The following LRFN2 variants were observed in gnomAD, a reference collection of about 807,000 sequenced individuals.
LRFN2 encodes leucine-rich repeat and fibronectin type-III domain-containing protein 2.
LRFN2 carries 18 observed loss-of-function variants against 37.3 expected under a neutral mutation model. The observed-to-expected ratio is 0.48, with a 90% CI of 0.33 to 0.72. LRFN2 has a LOEUF of 0.72. Among genes scored for constraint, LRFN2 ranks in the 30% least tolerant of loss-of-function variants. The pLI is 0.02. For synonymous variants in LRFN2, 556 were observed against 466.6 expected, an observed-to-expected ratio of 1.19 and a Z score of -2.47; for missense variants, 1,006 against 1,060.7, an observed-to-expected ratio of 0.95 and a Z score of 0.72.
At chr6:40,583,832 C>G (rs1168167835) in intron 1 of LRFN2, among the ~76,000 whole-genome samples, 3 of 152,102 alleles carry the variant, frequency 2.0e-5, no homozygotes, top group Non-Finnish European at 4.4e-5. Flanking sequence ...CTGAGGTCAC[C>G]CTTGGGGGAG....
At chr6:40,435,808 A>AT (rs956693093) in intron 1 of LRFN2, among the ~76,000 whole-genome samples, 15 of 151,964 alleles carry the variant, frequency 9.9e-5, no homozygotes, top group Non-Finnish European at 1.8e-4. Flanking sequence ...GTAATAGCTT[A>AT]TTTTTTTTAA....
intron 1 of LRFN2, among the ~76,000 whole-genome samples, chr6:40,509,822 G>C (rs982230610): frequency 5.9e-5 from 9 of 151,594 alleles, no homozygotes; most frequent in African/African-American, 2.2e-4. Flanking sequence ...AGGGAATACT[G>C]AGCTGCGCAG....
chr6:40,576,686 G>A (rs1472155825), intron 1 of LRFN2, among the ~76,000 whole-genome samples: 1 of 152,160 alleles, frequency 6.6e-6, no homozygotes, highest in East Asian at 1.9e-4. Context: ...TGATCACAGA[G>A]CCCTAGAAGG....
At chr6:40,542,596 C>T (rs999342184) in intron 1 of LRFN2, among the ~76,000 whole-genome samples, 4 of 152,108 alleles carry the variant, frequency 2.6e-5, no homozygotes, top group African/African-American at 9.7e-5. Context: ...GGCTCTGCAC[C>T]CTGGGCCTCT....
Position 40,460,397 on chromosome 6 carries a change from A to G in LRFN2, c.-18-27266T>C, listed in dbSNP as rs193216712. Among the ~76,000 whole-genome samples, 353 of 152,100 alleles carry G rather than the reference A, an allele frequency of 2.3e-3. 4 individuals carry two copies. The highest frequency in any genetic ancestry group is 7.5e-3 in the African/African-American group (311 of 41,496). ...CATGCTCCTTTCTGATTGGTTGGTGAGGCTCTCATATAATCTTGTTCTATG... is the reference window on the plus strand; with the variant it reads ...CATGCTCCTTTCTGATTGGTTGGTGGGGCTCTCATATAATCTTGTTCTATG... On this transcript the variant is annotated intron_variant, in intron 1 of 2. Transcript: ENST00000338305.
intron 1 of LRFN2, among the ~76,000 whole-genome samples, chr6:40,542,796 C>G (rs1766580782): frequency 6.6e-6 from 1 of 152,206 alleles, no homozygotes. Flanking sequence ...AGCCCATCCC[C>G]AGAGGGCTGG....
intron 1 of LRFN2, among the ~76,000 whole-genome samples, chr6:40,462,297 T>C (rs1000186259): frequency 6.6e-6 from 1 of 152,148 alleles, no homozygotes; most frequent in Admixed American, 6.5e-5. Context: ...TAGTGGCTGG[T>C]AGGAATGTGT....
chr6:40,514,046 G>T (rs919954321), intron 1 of LRFN2, among the ~76,000 whole-genome samples: 1 of 151,958 alleles, frequency 6.6e-6, no homozygotes, highest in Non-Finnish European at 1.5e-5. Flanking sequence ...TATCCAACCG[G>T]CTGGGGAGTC....
intron 1 of LRFN2, among the ~76,000 whole-genome samples, chr6:40,524,148 C>T (rs957589536): frequency 3.9e-5 from 6 of 152,204 alleles, no homozygotes; most frequent in Non-Finnish European, 7.3e-5. Flanking sequence ...TCTTAGCACA[C>T]AGAGGGAGAG....
intron 1 of LRFN2, among the ~76,000 whole-genome samples, chr6:40,558,167 A>G (rs1442960833): frequency 6.6e-6 from 1 of 152,092 alleles, no homozygotes; most frequent in Non-Finnish European, 1.5e-5. Flanking sequence ...CCCCCAAGGA[A>G]GCTGTTCTGA....
intron 2 of LRFN2, among the ~76,000 whole-genome samples, chr6:40,428,299 C>T (rs766383922): frequency 2.6e-5 from 4 of 152,270 alleles, no homozygotes; most frequent in South Asian, 4.1e-4. Flanking sequence ...AACATTTTTT[C>T]TTCTTGGACA....
At position 40,392,607 on chromosome 6, in the gene LRFN2, GCCAT is replaced by G; in HGVS notation, c.1702_1705del (p.Met568GlnfsTer4). On this transcript the variant is annotated frameshift_variant, in exon 3 of 3. Transcript: ENST00000338305. LOFTEE classifies it high-confidence loss of function. This position sits in a 1 kb window ranked among gnomAD's most constrained non-coding sequence, Gnocchi z 4.7. ...CGAGTACACATTGCTCACGGCCGCT[GCCAT>G]CTTGCTGGGGGCCTCGTGGTTGCAG... 6.2e-7 allele frequency: 1 copy of G among 1,609,974 alleles called. No individual in the cohort carries two copies. The highest frequency in any genetic ancestry group is 1.3e-5 in the African/African-American group (1 of 75,078).
At chr6:40,502,811 C>A (rs1277358380) in intron 1 of LRFN2, among the ~76,000 whole-genome samples, 6 of 152,232 alleles carry the variant, frequency 3.9e-5, no homozygotes, top group Non-Finnish European at 8.8e-5. Flanking sequence ...CCCCATACAG[C>A]TTAGAGTCGA....
chr6:40,547,491 G>A (rs1468776265), intron 1 of LRFN2, among the ~76,000 whole-genome samples: 3 of 152,122 alleles, frequency 2.0e-5, no homozygotes, highest in African/African-American at 4.8e-5. Context: ...ACCATTTAGT[G>A]TATGCGCCCT....
chr6:40,407,744 C>T (rs932897685), intron 2 of LRFN2: 1 of 152,334 alleles, frequency 6.6e-6, no homozygotes, highest in Admixed American at 6.5e-5. Flanking sequence ...GTAAACACCA[C>T]CTAATGATGA....
intron 1 of LRFN2, among the ~76,000 whole-genome samples, chr6:40,570,287 A>G (rs556474092): frequency 1.8e-3 from 271 of 152,272 alleles, no homozygotes; most frequent in African/African-American, 6.1e-3. Context: ...ATGATAGCTA[A>G]TATTTATTGA....
At chr6:40,545,786 T>C (rs2113919057) in intron 1 of LRFN2, among the ~76,000 whole-genome samples, 1 of 152,178 alleles carries the variant, frequency 6.6e-6, no homozygotes, top group South Asian at 2.1e-4. Flanking sequence ...CTGGGTCTCA[T>C]GAGATGAAAA....
chr6:40,520,834 A>G (rs1395238898), intron 1 of LRFN2, among the ~76,000 whole-genome samples: 1 of 152,058 alleles, frequency 6.6e-6, no homozygotes, highest in African/African-American at 2.4e-5. Flanking sequence ...GTAGCTGGGG[A>G]GGCTGCCAAC....
chr6:40,419,809 A>G (rs1763179243), intron 2 of LRFN2, among the ~76,000 whole-genome samples: 2 of 152,124 alleles, frequency 1.3e-5, no homozygotes, highest in South Asian at 4.1e-4. Context: ...CTGCTCTCAT[A>G]GCCCCCCAGA....
Sources: allele counts gnomAD v4.1 joint callset (sites outside exome capture counted in the v4.1 genomes callset), GRCh38; gene constraint gnomAD v4.1.1; non-coding constraint Gnocchi (gnomAD v3.1); transcripts MANE v1.5; gene names NCBI Gene and HGNC (gene_info 2026-07-23, HGNC 2026-07-21).